The following GALNTL6 variants were observed in gnomAD, a reference collection of about 807,000 sequenced individuals.
GALNTL6 encodes the protein polypeptide N-acetylgalactosaminyltransferase-like 6.
A neutral mutation model predicts 73.7 loss-of-function variants in GALNTL6; 46 were observed. The observed-to-expected ratio is 0.62, with a 90% confidence interval of 0.49 to 0.80. GALNTL6 has a LOEUF of 0.80. GALNTL6 is among the 30% of genes least tolerant of loss of function. The pLI, the probability that GALNTL6 is intolerant of heterozygous loss-of-function variation, is 0.00. For synonymous variants in GALNTL6, 259 were observed against 263.7 expected, an observed-to-expected ratio of 0.98 and a Z score of 0.17; for missense variants, 604 against 755.0, an observed-to-expected ratio of 0.80 and a Z score of 2.34.
At chr4:172,971,224 C>G (rs1033276298) in intron 10 of GALNTL6, among the ~76,000 whole-genome samples, 1 of 152,200 alleles carries the variant, frequency 6.6e-6, no homozygotes, top group African/African-American at 2.4e-5. Context: ...ACTTCCCAGT[C>G]TCCAGAACCA....
At chr4:172,664,729 ACTCT>A (rs1389825515) in intron 5 of GALNTL6, among the ~76,000 whole-genome samples, 1 of 151,902 alleles carries the variant, frequency 6.6e-6, no homozygotes, top group Non-Finnish European at 1.5e-5. Flanking sequence ...TCCAAACTAG[ACTCT>A]CTTTCTTCCT....
intron 7 of GALNTL6, among the ~76,000 whole-genome samples, chr4:172,847,146 A>G (rs892702657): frequency 6.6e-6 from 1 of 152,214 alleles, no homozygotes; most frequent in African/African-American, 2.4e-5. Flanking sequence ...CACTTGACCT[A>G]TGGCAAACAT....
intron 10 of GALNTL6, among the ~76,000 whole-genome samples, chr4:173,006,416 A>G (rs1752296149): frequency 6.6e-6 from 1 of 152,186 alleles, no homozygotes; most frequent in South Asian, 2.1e-4. Flanking sequence ...TCAGATAAGG[A>G]GATCAAATAG....
At chr4:172,438,714 C>A (rs1026003210) in intron 5 of GALNTL6, among the ~76,000 whole-genome samples, 4 of 151,870 alleles carry the variant, frequency 2.6e-5, no homozygotes, top group Admixed American at 2.0e-4. Context: ...TGATCAGTAA[C>A]CTCAAATGAG....
At chr4:172,048,947 G>C (rs1460356070) in intron 2 of GALNTL6, among the ~76,000 whole-genome samples, 1 of 152,112 alleles carries the variant, frequency 6.6e-6, no homozygotes, top group Non-Finnish European at 1.5e-5. Flanking sequence ...ATAAAGCCTA[G>C]AATGATAGTT....
intron 3 of GALNTL6, among the ~76,000 whole-genome samples, chr4:172,270,393 A>G (rs914735611): frequency 2.0e-5 from 3 of 152,146 alleles, no homozygotes; most frequent in Non-Finnish European, 2.9e-5. Flanking sequence ...CTTTTAGCCT[A>G]GTCTTATATT....
intron 5 of GALNTL6, among the ~76,000 whole-genome samples, chr4:172,763,028 A>G (rs1455503533): frequency 6.6e-6 from 1 of 152,068 alleles, no homozygotes; most frequent in Non-Finnish European, 1.5e-5. Flanking sequence ...AATTACCCTC[A>G]TGGTTCACTT....
intron 5 of GALNTL6, among the ~76,000 whole-genome samples, chr4:172,559,324 A>G (rs1736266553): frequency 1.3e-5 from 2 of 152,154 alleles, no homozygotes; most frequent in African/African-American, 2.4e-5. Flanking sequence ...TCGGCCTCCC[A>G]AAGTGCTGGG....
At chr4:172,060,077 T>C (rs1731149204) in intron 2 of GALNTL6, among the ~76,000 whole-genome samples, 3 of 152,230 alleles carry the variant, frequency 2.0e-5, no homozygotes, top group African/African-American at 7.2e-5. Flanking sequence ...AATAAAATGT[T>C]CTTTTTCTTT....
At chr4:172,164,727 A>G (rs866766554) in intron 2 of GALNTL6, among the ~76,000 whole-genome samples, 2 of 152,098 alleles carry the variant, frequency 1.3e-5, no homozygotes, top group African/African-American at 4.8e-5. Flanking sequence ...AGAAATGGCT[A>G]GGAATATTTA....
intron 2 of GALNTL6, among the ~76,000 whole-genome samples, chr4:172,011,550 A>C (rs1741007072): frequency 6.6e-6 from 1 of 152,120 alleles, no homozygotes; most frequent in Non-Finnish European, 1.5e-5. Flanking sequence ...TAAACTCTTG[A>C]GATGGACAGA....
intron 9 of GALNTL6, among the ~76,000 whole-genome samples, chr4:172,950,213 T>C (rs908803902): frequency 6.6e-6 from 1 of 152,182 alleles, no homozygotes; most frequent in African/African-American, 2.4e-5. Context: ...ACTCTGATCA[T>C]CTGTCTGTTA....
At chr4:172,031,008 T>C (rs900285859) in intron 2 of GALNTL6, among the ~76,000 whole-genome samples, 3 of 152,058 alleles carry the variant, frequency 2.0e-5, no homozygotes, top group African/African-American at 7.2e-5. Context: ...GCCCTCTTCC[T>C]ACCCCATTCT....
At chr4:172,341,425 T>G in intron 4 of GALNTL6, among the ~76,000 whole-genome samples, 1 of 127,814 alleles carries the variant, frequency 7.8e-6, no homozygotes. Flanking sequence ...CACTCCAGCC[T>G]GGGCGACAGA....
chr4:172,541,942 T>C (rs1735563976), intron 5 of GALNTL6, among the ~76,000 whole-genome samples: 1 of 152,052 alleles, frequency 6.6e-6, no homozygotes, highest in Non-Finnish European at 1.5e-5. Flanking sequence ...GGGAGACTGC[T>C]CTTCCCTGGC....
At chr4:171,963,270 G>T (rs1437830070) in intron 2 of GALNTL6, among the ~76,000 whole-genome samples, 1 of 152,070 alleles carries the variant, frequency 6.6e-6, no homozygotes, top group African/African-American at 2.4e-5. Flanking sequence ...GATGTAGCTA[G>T]GAGTACACCC....
At chr4:172,359,957 G>T (rs1436373764) in intron 5 of GALNTL6, among the ~76,000 whole-genome samples, 1 of 152,138 alleles carries the variant, frequency 6.6e-6, no homozygotes, top group Non-Finnish European at 1.5e-5. Flanking sequence ...TGAACATATT[G>T]TTTTTGCTAA....
intron 5 of GALNTL6, among the ~76,000 whole-genome samples, chr4:172,767,114 G>A (rs1278583785): frequency 6.6e-6 from 1 of 152,178 alleles, no homozygotes; most frequent in Non-Finnish European, 1.5e-5. Context: ...GCATGAGAAT[G>A]GGAGCCAGTG....
At chr4:172,131,093 A>T (rs545387980) in intron 2 of GALNTL6, among the ~76,000 whole-genome samples, 1 of 152,038 alleles carries the variant, frequency 6.6e-6, no homozygotes, top group Non-Finnish European at 1.5e-5. Flanking sequence ...AAAAACAAAC[A>T]TATTTTTACA....
Sources: gnomAD v4.1 joint callset for allele counts (sites outside exome capture counted in the v4.1 genomes callset) on GRCh38, gnomAD v4.1.1 for gene constraint, MANE v1.5 for transcripts, NCBI Gene and HGNC (gene_info 2026-07-23, HGNC 2026-07-21) for gene names.